The following ADGRE2 variants were observed in gnomAD, a reference collection of about 807,000 sequenced individuals.
ADGRE2 encodes adhesion G protein-coupled receptor E2, also known as CD97 antigen.
Under a neutral mutation model 100.8 loss-of-function variants are expected in ADGRE2, and 83 were observed. The observed-to-expected ratio is 0.82, with a 90% CI of 0.69 to 0.99. ADGRE2 has a LOEUF of 0.99. ADGRE2 is among the 50% of genes least tolerant of loss of function. The pLI is 0.00. For missense variants in ADGRE2, 814 were observed against 1,035.7 expected, an observed-to-expected ratio of 0.79 and a Z score of 2.94; for synonymous variants, 355 against 413.0, an observed-to-expected ratio of 0.86 and a Z score of 1.70.
the ADGRE2 span, among the ~76,000 whole-genome samples, chr19:14,724,628 T>A: frequency 6.6e-6 from 1 of 152,018 alleles, no homozygotes; most frequent in Non-Finnish European, 1.5e-5. Flanking sequence ...TAGTTGGGTG[T>A]GGTGGCGGGA....
intron 11 of ADGRE2, among the ~76,000 whole-genome samples, chr19:14,760,106 C>T (rs980592929): frequency 3.3e-5 from 5 of 152,190 alleles, no homozygotes; most frequent in Admixed American, 3.3e-4. Flanking sequence ...GCGTGAGCCA[C>T]CGTGCCCGGC....
At position 14,772,455 on chromosome 19, in the gene ADGRE2, T is replaced by C. The variant is rs1395735738; in HGVS notation, c.242A>G (p.Lys81Arg). The C allele has an allele frequency of 6.2e-7, 1 of 1,614,004 alleles. No homozygotes were observed. The highest frequency in any genetic ancestry group is 2.2e-5 in the East Asian group (1 of 44,874). Residue 81 changes from lysine to arginine, a missense_variant, in exon 5 of 21, where the codon AAA becomes AGA. By Grantham distance (26) the Lys-to-Arg change is conservative (BLOSUM62 2). Around this residue, in one of 5 missense-constraint regions of ADGRE2, gnomAD observed 143 missense variants for 160.3 expected, o/e 0.89. Transcript: ENST00000315576. ...CATLSKVSCG[K>R]FSDCWNTEGS... The stretch of plus-strand genomic sequence containing the variant: ...CTCTGTGTTCCAGCAGTCCGAGAAT[T>C]TTCCGCATGACACTTTCGACAGTGT...
Position 14,735,523 on chromosome 19 carries a change from C to T in ADGRE2, c.*713G>A, listed in dbSNP as rs2732794. On this transcript the variant is annotated 3_prime_UTR_variant, in exon 21 of 21. Coordinates refer to ENST00000315576, the MANE Select transcript of ADGRE2 (RefSeq NM_013447.4). ...TGAAATGGAATTTGTTGCACATCCCCGATCTGAGATTAGAAACTTTTCTGC... is the reference window on the plus strand; with the variant it reads ...TGAAATGGAATTTGTTGCACATCCCTGATCTGAGATTAGAAACTTTTCTGC... 0.76 allele frequency: 115,624 copies of T among 152,204 alleles called. 44,558 individuals are homozygous for T. The highest frequency in any genetic ancestry group is 0.87 in the African/African-American group (36,291 of 41,544). The allele number at this position is 152,204 out of a possible 1,614,324, so 9.4% of individuals were successfully genotyped here. A position where few individuals can be genotyped will look rare whatever the true frequency, so the allele number is the denominator to read the frequency against.
intron 6 of ADGRE2, among the ~76,000 whole-genome samples, chr19:14,766,709 G>A (rs2043991927): frequency 6.6e-6 from 1 of 151,690 alleles, no homozygotes; most frequent in African/African-American, 2.4e-5. Flanking sequence ...AACTGGAAGT[G>A]ACACCTTCTT....
At chr19:14,777,433 C>A (rs2044481136) in intron 1 of ADGRE2, among the ~76,000 whole-genome samples, 1 of 152,156 alleles carries the variant, frequency 6.6e-6, no homozygotes, top group Admixed American at 6.5e-5. Context: ...AGTTTGAGAC[C>A]AGCCTGGGCA....
At chr19:14,754,273 C>A (rs2043403101) in intron 14 of ADGRE2, among the ~76,000 whole-genome samples, 2 of 86,520 alleles carry the variant, frequency 2.3e-5, no homozygotes, top group South Asian at 1.0e-3. Flanking sequence ...TAATAAACTC[C>A]CCTTTATATA....
At chr19:14,750,728 T>C (rs2043259143) in intron 16 of ADGRE2, among the ~76,000 whole-genome samples, 1 of 152,170 alleles carries the variant, frequency 6.6e-6, no homozygotes. Context: ...ATAAAGTAGG[T>C]TAGATTTTTA....
intron 11 of ADGRE2, among the ~76,000 whole-genome samples, chr19:14,756,769 A>G (rs892855312): frequency 1.3e-5 from 2 of 152,232 alleles, no homozygotes; most frequent in Non-Finnish European, 2.9e-5. Flanking sequence ...TATTGCTCTG[A>G]TAACAAAACC....
intron 20 of ADGRE2, among the ~76,000 whole-genome samples, chr19:14,740,291 T>A (rs538812155): frequency 2.0e-5 from 3 of 151,280 alleles, no homozygotes; most frequent in African/African-American, 7.3e-5. Flanking sequence ...AAATAGAAGA[T>A]CCTGTGTTGG....
At chr19:14,771,929 T>G in intron 5 of ADGRE2, 1 of 176,132 alleles carries the variant, frequency 5.7e-6, no homozygotes, top group Non-Finnish European at 1.1e-5. Flanking sequence ...CATAATAACG[T>G]TTAAAGAATG....
rs760184313 is a variant in ADGRE2, at chr19:14,766,215, G to T, written c.634+20C>A. 3 of 1,614,084 alleles carry T rather than the reference G, an allele frequency of 1.9e-6. No homozygotes were observed. The highest frequency in any genetic ancestry group is 1.1e-5 in the South Asian group (1 of 91,086). On this transcript the variant is annotated intron_variant, in intron 7 of 20. Coordinates refer to ENST00000315576, the MANE Select transcript of ADGRE2 (RefSeq NM_013447.4). Reference sequence around the variant, plus strand: ...CAGATGTTTGTGGGTCTCTGGGAACGTGGGATCTGAGCTCTCGACCTTCAC... The same window carrying T: ...CAGATGTTTGTGGGTCTCTGGGAACTTGGGATCTGAGCTCTCGACCTTCAC...
chr19:14,745,328 C>A (rs1336211235), intron 18 of ADGRE2, among the ~76,000 whole-genome samples: 1 of 152,186 alleles, frequency 6.6e-6, no homozygotes, highest in Non-Finnish European at 1.5e-5. Context: ...ATTTTGTTAA[C>A]ATGCATAGAG....
the ADGRE2 span, among the ~76,000 whole-genome samples, chr19:14,726,501 A>G: frequency 2.0e-5 from 3 of 152,128 alleles, no homozygotes; most frequent in Admixed American, 6.6e-5. Flanking sequence ...GAATTTTCCA[A>G]GTTTTTATGC....
intron 1 of ADGRE2, 75 bp from the exon 2 acceptor site, chr19:14,777,002 A>ACACACACACACC: frequency 7.3e-7 from 1 of 1,368,752 alleles, no homozygotes; most frequent in Non-Finnish European, 9.4e-7. Flanking sequence ...ACACACACAC[A>ACACACACACACC]CACACACACA....
downstream of ADGRE2, among the ~76,000 whole-genome samples, chr19:14,728,923 G>A (rs934924189): frequency 2.6e-5 from 4 of 152,124 alleles, no homozygotes; most frequent in Non-Finnish European, 5.9e-5. Context: ...GGCTGGGGTC[G>A]GCACAATGTA....
At chr19:14,731,416 G>A (rs1387617624), downstream of ADGRE2, 1 of 567,220 alleles carries the variant, frequency 1.8e-6, no homozygotes, top group South Asian at 2.3e-5. Flanking sequence ...CGGATTGTAG[G>A]TTCCCCGCAA....
chr19:14,748,411 C>A (rs981164157), intron 16 of ADGRE2, among the ~76,000 whole-genome samples: 1 of 152,136 alleles, frequency 6.6e-6, no homozygotes, highest in Non-Finnish European at 1.5e-5. Context: ...CAGGTTCAAG[C>A]GATTCTTGTG....
chr19:14,730,518 T>C (rs1454075840), downstream of ADGRE2, among the ~76,000 whole-genome samples: 2 of 103,544 alleles, frequency 1.9e-5, no homozygotes, highest in Non-Finnish European at 4.5e-5. Flanking sequence ...CTCCTTTCTT[T>C]TTCTTTGTCT....
chr19:14,766,123 C>T (rs1390915793), intron 7 of ADGRE2, 112 bp downstream of exon 7: 5 of 1,560,270 alleles, frequency 3.2e-6, no homozygotes, highest in South Asian at 1.2e-5. Context: ...GAATGAACGC[C>T]TGACACAGTC....
Sources: gnomAD v4.1 joint callset for allele counts (sites outside exome capture counted in the v4.1 genomes callset) on GRCh38, gnomAD v4.1.1 for gene constraint, gnomAD v4.1.1 regional missense constraint, MANE v1.5 for transcripts, NCBI Gene and HGNC (gene_info 2026-07-23, HGNC 2026-07-21) for gene names.